The following PHF24 variants were observed in gnomAD, a reference collection of about 807,000 sequenced individuals.
PHF24 encodes Galpha inhibitory interacting protein.
Under a neutral mutation model 42.6 loss-of-function variants are expected in PHF24, and 25 were observed. The observed-to-expected ratio is 0.59, with a 90% CI of 0.43 to 0.82. The LOEUF is 0.82. Ranked by LOEUF, PHF24 falls within the 40% of genes least tolerant of loss-of-function variation. The pLI, the probability that PHF24 is intolerant of heterozygous loss-of-function variation, is 0.00. For synonymous variants in PHF24, 185 were observed against 204.8 expected, an observed-to-expected ratio of 0.90 and a Z score of 0.83; for missense variants, 470 against 538.1, an observed-to-expected ratio of 0.87 and a Z score of 1.25.
the PHF24 span, among the ~76,000 whole-genome samples, chr9:34,870,772 C>G: frequency 6.6e-6 from 1 of 152,110 alleles, no homozygotes; most frequent in African/African-American, 2.4e-5. Context: ...CCTTCCGTGT[C>G]TTTTCATGGC....
the PHF24 span, among the ~76,000 whole-genome samples, chr9:34,748,828 A>G: frequency 4.2e-3 from 641 of 152,294 alleles, 3 homozygotes; most frequent in East Asian, 0.012. Flanking sequence ...AAGACCATCC[A>G]GGAAAACATG....
chr9:34,797,464 G>A, the PHF24 span, among the ~76,000 whole-genome samples: 1 of 152,148 alleles, frequency 6.6e-6, no homozygotes, highest in Non-Finnish European at 1.5e-5. Flanking sequence ...GCAGATGGAG[G>A]AAGCCAGAAG....
At chr9:34,850,737 C>G in the PHF24 span, among the ~76,000 whole-genome samples, 3 of 152,086 alleles carry the variant, frequency 2.0e-5, no homozygotes, top group East Asian at 5.8e-4. Context: ...GTTTTATCTA[C>G]TTTTGGTCTT....
At chr9:34,801,503 G>A in the PHF24 span, among the ~76,000 whole-genome samples, 2 of 152,068 alleles carry the variant, frequency 1.3e-5, no homozygotes, top group Non-Finnish European at 1.5e-5. Flanking sequence ...TGAGGTGGGC[G>A]GATCACGAGG....
the PHF24 span, among the ~76,000 whole-genome samples, chr9:34,711,144 T>A: frequency 1.3e-5 from 2 of 152,248 alleles, no homozygotes; most frequent in African/African-American, 4.8e-5. Context: ...TTATACATTG[T>A]GTTCCCATTG....
the PHF24 span, among the ~76,000 whole-genome samples, chr9:34,915,192 C>T: frequency 6.6e-6 from 1 of 151,842 alleles, no homozygotes; most frequent in Non-Finnish European, 1.5e-5. Context: ...ACCACCATGC[C>T]CTGCTAAATT....
the PHF24 span, among the ~76,000 whole-genome samples, chr9:34,916,698 A>G: frequency 2.0e-4 from 31 of 152,376 alleles, no homozygotes; most frequent in Admixed American, 2.6e-4. Context: ...AAGTTATACC[A>G]TGAGAAGGTA....
At chr9:34,976,226 C>T (rs1381596530) in exon 4 of PHF24, 2 of 1,613,528 alleles carry the variant, frequency 1.2e-6, no homozygotes, top group East Asian at 2.2e-5. Context: ...GTAAAGTCAT[C>T]CCTGGTAAGG....
chr9:34,917,131 A>T, the PHF24 span: 1 of 906,158 alleles, frequency 1.1e-6, no homozygotes, highest in Non-Finnish European at 1.8e-6. Flanking sequence ...CTCGCGGCCT[A>T]CCTTTACCGG....
the PHF24 span, among the ~76,000 whole-genome samples, chr9:34,847,227 C>A: frequency 6.6e-6 from 1 of 152,198 alleles, no homozygotes; most frequent in African/African-American, 2.4e-5. Context: ...TCTTCCTACC[C>A]ATGAACATGG....
chr9:34,723,627 T>G, the PHF24 span: 2 of 1,551,652 alleles, frequency 1.3e-6, no homozygotes, highest in Admixed American at 2.0e-5. Context: ...TCTGTAAGGC[T>G]GGGCTTCTTT....
chr9:34,899,839 A>G, the PHF24 span, among the ~76,000 whole-genome samples: 1 of 152,214 alleles, frequency 6.6e-6, no homozygotes, highest in Non-Finnish European at 1.5e-5. Flanking sequence ...TGGGCTCTCA[A>G]TCCCAGCCTT....
the PHF24 span, chr9:34,690,424 CTGTGTGTGTGTGTGTGTG>C: frequency 2.8e-5 from 17 of 608,624 alleles, no homozygotes; most frequent in South Asian, 2.2e-4. Context: ...TTGAGGACAC[CTGTGTGTGTGTGTGTGTG>C]TGTGTGTGTG....
chr9:34,871,504 A>C, the PHF24 span, among the ~76,000 whole-genome samples: 1 of 152,290 alleles, frequency 6.6e-6, no homozygotes, highest in East Asian at 1.9e-4. Context: ...ATACCTAAAA[A>C]GTCATCATCA....
the PHF24 span, among the ~76,000 whole-genome samples, chr9:34,910,418 G>A: frequency 6.6e-6 from 1 of 152,090 alleles, no homozygotes; most frequent in African/African-American, 2.4e-5. Flanking sequence ...ATGTCTAAAA[G>A]ATCTTGAAAA....
chr9:34,694,944 T>A, the PHF24 span, among the ~76,000 whole-genome samples: 1 of 152,258 alleles, frequency 6.6e-6, no homozygotes, highest in Non-Finnish European at 1.5e-5. Flanking sequence ...AATATATATC[T>A]GGTCTTCATC....
chr9:34,886,826 G>GTATCTATCTATCTATCTATC, the PHF24 span, among the ~76,000 whole-genome samples: 6 of 80,808 alleles, frequency 7.4e-5, no homozygotes, highest in Admixed American at 1.5e-4. Context: ...ATGTATCTAT[G>GTATCTATCTATCTATCTATC]TATCTATGTA....
At chr9:34,827,078 C>T in the PHF24 span, among the ~76,000 whole-genome samples, 1 of 152,146 alleles carries the variant, frequency 6.6e-6, no homozygotes, top group Non-Finnish European at 1.5e-5. Context: ...CTTCTGTCAG[C>T]AGCATGAGCC....
At chr9:34,686,169 A>G in the PHF24 span, among the ~76,000 whole-genome samples, 1 of 152,212 alleles carries the variant, frequency 6.6e-6, no homozygotes, top group Admixed American at 6.5e-5. Context: ...ATGCCTGCTG[A>G]TTCCTACAGA....
Sources: gnomAD v4.1 joint callset for allele counts (sites outside exome capture counted in the v4.1 genomes callset) on GRCh38, gnomAD v4.1.1 for gene constraint, MANE v1.5 for transcripts, NCBI Gene and HGNC (gene_info 2026-07-23, HGNC 2026-07-21) for gene names.